Variants in ZNF227 observed in about 807,000 individuals in gnomAD.
ZNF227 encodes the protein zinc finger protein 227.
Under a neutral mutation model 13.2 loss-of-function variants are expected in ZNF227, and 12 were observed. That is an observed-to-expected ratio of 0.91 (90% CI 0.58 to 1.47). ZNF227 has a LOEUF of 1.47. Ranked by LOEUF, ZNF227 falls within the 40% of genes most tolerant of loss-of-function variation. The pLI, the probability that ZNF227 is intolerant of heterozygous loss-of-function variation, is 0.00. For synonymous variants in ZNF227, 338 were observed against 326.0 expected, an observed-to-expected ratio of 1.04 and a Z score of -0.40; for missense variants, 885 against 967.5, an observed-to-expected ratio of 0.91 and a Z score of 1.13.
rs776959608 is a variant in ZNF227, at chr19:44,234,876, A to T, written c.446A>T (p.Asn149Ile). Residue 149 changes from asparagine (N) to isoleucine (I), a missense_variant, in exon 6 of 6, where the codon AAT becomes ATT. Transcript: ENST00000313040. ...GGTGACTCTATTCAGGTTTCTGAAA[A>T]TGAGAACAATATAATGAACCCTAAA... ...LQGDSIQVSE[N>I]ENNIMNPKGD... 1 of 1,613,620 alleles carries T rather than the reference A, an allele frequency of 6.2e-7. No individual in the cohort carries two copies. Among genetic ancestry groups the T allele is most frequent in the South Asian group, 1.1e-5 (1 of 90,828 alleles).
At position 44,237,010 on chromosome 19, in the gene ZNF227, G is replaced by A. The variant is rs1190314579; in HGVS notation, c.*180G>A. The A allele has an allele frequency of 3.3e-5, 18 of 540,686 alleles. No individual in the cohort carries two copies. The highest frequency in any genetic ancestry group is 6.2e-5 in the South Asian group (2 of 32,222). The allele number at this position is 540,686 out of a possible 1,614,324, so 33.5% of individuals were successfully genotyped here. A position where few individuals can be genotyped will look rare whatever the true frequency, so the allele number is the denominator to read the frequency against. ...AGAACCATGAACAGGAATAGAACTC[G>A]TATTTAGGGGAGAAATAGGGCTGGT... On this transcript the variant is annotated 3_prime_UTR_variant, in exon 6 of 6. Transcript: ENST00000313040.
chr19:44,227,990 A>T (rs185998507), intron 3 of ZNF227, among the ~76,000 whole-genome samples: 222 of 152,262 alleles, frequency 1.5e-3, no homozygotes, highest in African/African-American at 5.0e-3. Flanking sequence ...GCACTTTGGG[A>T]GGCCAAGGCG....
intron 3 of ZNF227, among the ~76,000 whole-genome samples, chr19:44,218,870 G>C (rs748187387): frequency 5.9e-5 from 9 of 152,276 alleles, no homozygotes; most frequent in Non-Finnish European, 1.2e-4. Flanking sequence ...GAGCACATAT[G>C]ATAGAAGTAC....
intron 3 of ZNF227, among the ~76,000 whole-genome samples, chr19:44,220,543 C>A (rs1230351496): frequency 6.6e-6 from 1 of 151,972 alleles, no homozygotes; most frequent in Non-Finnish European, 1.5e-5. Context: ...ATGATTGATC[C>A]AGCTGTGGCC....
At chr19:44,208,696 T>A (rs1376457280), upstream of ZNF227, among the ~76,000 whole-genome samples, 1 of 152,164 alleles carries the variant, frequency 6.6e-6, no homozygotes, top group Non-Finnish European at 1.5e-5. Flanking sequence ...GAGCCTCAAG[T>A]CTGTGTTCAT....
chr19:44,236,524 T>A lies in ZNF227; in HGVS notation c.2094T>A (p.Gly698=). ...YKCEECGKGF[G]RSLNLRHHQR... ...GTGAAGAGTGTGGGAAAGGCTTTGG[T>A]AGGAGCTTGAATCTTCGCCATCATC... The change falls in exon 6 of 6, where the codon GGT becomes GGA. Residue 698 remains glycine (G), a synonymous_variant. Transcript: ENST00000313040. 1.2e-6 allele frequency: 2 copies of A among 1,613,924 alleles called. No homozygotes were observed. Among genetic ancestry groups the A allele is most frequent in the Non-Finnish European group, 1.7e-6 (2 of 1,179,950 alleles).
In ZNF227 at chr19:44,232,672, G is replaced by GT. The variant is rs903718959; in HGVS notation, c.272-2018dup. 3.3e-3 allele frequency among the ~76,000 whole-genome samples: 467 copies of GT among 141,234 alleles called. 2 individuals carry two copies. Among genetic ancestry groups the GT allele is most frequent in the East Asian group, 8.4e-3 (41 of 4,882 alleles). The allele number at this position is 141,234 out of a possible 152,430, so 92.7% of individuals were successfully genotyped here. The stretch of plus-strand genomic sequence containing the variant: ...ATATCTATAAATTGCTTGTTTTTTT[G>GT]TTTTTTTTTTTTGTAGACGGAGTCA... On this transcript the variant is annotated intron_variant, in intron 5 of 5. Transcript: ENST00000313040.
chr19:44,236,832 A>G lies in ZNF227; in HGVS notation c.*2A>G. On this transcript the variant is annotated 3_prime_UTR_variant, in exon 6 of 6. Transcript: ENST00000313040. ...GTCCATACTGGTAAAAAGCTTTAGA[A>G]ATGAGAAATGTGTTACCAACTTTTG... is the stretch of plus-strand genomic sequence containing the variant. 1 of 1,550,100 alleles carries G rather than the reference A, an allele frequency of 6.5e-7. No homozygotes were observed. Among genetic ancestry groups the G allele is most frequent in the Non-Finnish European group, 8.7e-7 (1 of 1,150,726 alleles).
chr19:44,211,135 G>A (rs548874606), upstream of ZNF227, among the ~76,000 whole-genome samples: 84 of 151,948 alleles, frequency 5.5e-4, no homozygotes, highest in African/African-American at 1.8e-3. Context: ...GTGTGAGGGC[G>A]GAGGTTGCAA....
At chr19:44,208,893 G>A (rs1971273609), upstream of ZNF227, among the ~76,000 whole-genome samples, 2 of 152,154 alleles carry the variant, frequency 1.3e-5, no homozygotes, top group Admixed American at 1.3e-4. Flanking sequence ...GGAAATGAAA[G>A]TTACCCATAT....
In ZNF227 at chr19:44,236,840, A is replaced by G. The variant is rs910793790; in HGVS notation, c.*10A>G. The G allele has an allele frequency of 8.4e-6, 13 of 1,543,216 alleles. No homozygotes were observed. The highest frequency in any genetic ancestry group is 6.9e-5 in the African/African-American group (5 of 72,316). On this transcript the variant is annotated 3_prime_UTR_variant, in exon 6 of 6. Coordinates refer to ENST00000313040, the MANE Select transcript of ZNF227 (RefSeq NM_182490.3). ...TGGTAAAAAGCTTTAGAAATGAGAA[A>G]TGTGTTACCAACTTTTGTCTGAATG...
rs1974507050 is a variant in ZNF227, at chr19:44,236,382, A to T, written c.1952A>T (p.Gln651Leu). ...FSQSSGLQSH[Q>L]RVHTGEKPYK... ...CAGTCCTCTGGTCTTCAATCCCATC[A>T]GAGAGTCCACACGGGGGAAAAGCCA... Residue 651 changes from glutamine (Q) to leucine (L), a missense_variant, in exon 6 of 6, where the codon CAG (glutamine) becomes CTG (leucine). Coordinates refer to ENST00000313040, the MANE Select transcript of ZNF227 (RefSeq NM_182490.3). The T allele has an allele frequency of 1.9e-6, 3 of 1,614,078 alleles. No homozygotes were observed. Among genetic ancestry groups the T allele is most frequent in the Non-Finnish European group, 2.5e-6 (3 of 1,179,986 alleles).
chr19:44,209,818 C>T (rs549417985), upstream of ZNF227, among the ~76,000 whole-genome samples: 363 of 152,284 alleles, frequency 2.4e-3, 3 homozygotes, highest in Middle Eastern at 0.01. Context: ...GATTTCCTGA[C>T]CTCGTGATCT....
chr19:44,227,810 G>C (rs977488229), intron 3 of ZNF227, among the ~76,000 whole-genome samples: 1 of 152,240 alleles, frequency 6.6e-6, no homozygotes, highest in African/African-American at 2.4e-5. Context: ...TCCAGAGCCA[G>C]TGCTTTAAAT....
Position 44,236,591 on chromosome 19 carries a change from T to C in ZNF227, c.2161T>C (p.Cys721Arg), listed in dbSNP as rs1974533451. 1 of 1,613,606 alleles carries C rather than the reference T, an allele frequency of 6.2e-7. No homozygotes were observed. Among genetic ancestry groups the C allele is most frequent in the Non-Finnish European group, 8.5e-7 (1 of 1,179,964 alleles). The change falls in exon 6 of 6, where the codon TGT becomes CGT. Residue 721 changes from cysteine to arginine, a missense_variant. By Grantham distance (180) the Cys-to-Arg change is radical (BLOSUM62 -3). Transcript: ENST00000313040. ...AGAGAAACCCCATATATGTGAGGAG[T>C]GTGGTAAGGCCTTCAGTCTCCCCTC... ...TGEKPHICEE[C>R]GKAFSLPSNL...
At chr19:44,210,329 T>C (rs758937992), upstream of ZNF227, among the ~76,000 whole-genome samples, 2 of 152,216 alleles carry the variant, frequency 1.3e-5, no homozygotes, top group Non-Finnish European at 2.9e-5. Context: ...TATAGGGTAG[T>C]CATGAATCAG....
Position 44,235,548 on chromosome 19 carries a change from T to C in ZNF227, c.1118T>C (p.Val373Ala), listed in dbSNP as rs780811775. 6.2e-7 allele frequency: 1 copy of C among 1,614,002 alleles called. No individual in the cohort carries two copies. Among genetic ancestry groups the C allele is most frequent in the Non-Finnish European group, 8.5e-7 (1 of 1,180,004 alleles). ...TCAAATTTTCAGTGCCATCAGAGAGTCCACACTGAAGAAAAACCATACAAA... is the reference window on the plus strand; with the variant it reads ...TCAAATTTTCAGTGCCATCAGAGAGCCCACACTGAAGAAAAACCATACAAA... ...QSSNFQCHQR[V>A]HTEEKPYKCE... The change falls in exon 6 of 6, where the codon GTC becomes GCC. Residue 373 changes from valine (V) to alanine (A), a missense_variant. Transcript: ENST00000313040.
chr19:44,226,285 G>A (rs1201471441), intron 3 of ZNF227, among the ~76,000 whole-genome samples: 1 of 152,230 alleles, frequency 6.6e-6, no homozygotes, highest in Non-Finnish European at 1.5e-5. Flanking sequence ...TGCATGCTGG[G>A]AGAACCACTA....
chr19:44,229,541 G>A (rs1381033110), intron 4 of ZNF227, among the ~76,000 whole-genome samples, 192 bp from the exon 5 acceptor site: 1 of 152,194 alleles, frequency 6.6e-6, no homozygotes, highest in Non-Finnish European at 1.5e-5. Context: ...GAACCCTGGA[G>A]GCAGAGGTTG....
Sources: allele counts gnomAD v4.1 joint callset (sites outside exome capture counted in the v4.1 genomes callset), GRCh38; gene constraint gnomAD v4.1.1; transcripts MANE v1.5; gene names NCBI Gene and HGNC (gene_info 2026-07-23, HGNC 2026-07-21).